Variants in NEXMIF observed in about 807,000 individuals in gnomAD.
NEXMIF encodes the protein neurite extension and migration factor, also known as XLMR protein related to neurite extension.
In NEXMIF, 8 loss-of-function variants were observed where a neutral mutation model predicts 62.1. The ratio of observed to expected loss-of-function variants is 0.13; its 90% CI spans 0.08 to 0.23. NEXMIF has a LOEUF of 0.23. Among genes scored for constraint, NEXMIF ranks in the 10% least tolerant of loss-of-function variants. NEXMIF has a pLI of 1.00. For synonymous variants in NEXMIF, 404 were observed against 416.6 expected (o/e 0.97, Z 0.37); for missense variants, 976 against 1,113.3 (o/e 0.88, Z 1.75).
intron 1 of NEXMIF, among the ~76,000 whole-genome samples, chrX:74,888,233 T>G (rs1424845476): frequency 9.2e-6 from 1 of 108,178 alleles, no homozygotes; most frequent in African/African-American, 3.4e-5. Flanking sequence ...GGCACATGTA[T>G]ACATATGTAA....
intron 1 of NEXMIF, among the ~76,000 whole-genome samples, chrX:74,913,187 G>A (rs2147374502): frequency 8.9e-6 from 1 of 112,065 alleles, no homozygotes; most frequent in South Asian, 3.7e-4. Flanking sequence ...TCACAAAAAT[G>A]TTTCAATAAG....
At chrX:74,908,428 G>A (rs750276403) in intron 1 of NEXMIF, among the ~76,000 whole-genome samples, 8 of 111,979 alleles carry the variant, frequency 7.1e-5, no homozygotes, top group African/African-American at 2.6e-4. Context: ...GGAAGATATT[G>A]AAGTCATATC....
At chrX:74,923,913 C>G (rs1329403667) in intron 1 of NEXMIF, among the ~76,000 whole-genome samples, 3 of 112,527 alleles carry the variant, frequency 2.7e-5, no homozygotes, top group African/African-American at 9.7e-5. Flanking sequence ...ATATGAGACC[C>G]ACTTATTCCA....
intron 1 of NEXMIF, among the ~76,000 whole-genome samples, chrX:74,861,400 G>A (rs752898840): frequency 1.8e-5 from 2 of 111,767 alleles, no homozygotes; most frequent in South Asian, 3.7e-4. Flanking sequence ...GAGACAGAAC[G>A]GAAATAAGTT....
intron 1 of NEXMIF, among the ~76,000 whole-genome samples, chrX:74,755,804 C>G (rs762078922): frequency 1.8e-5 from 2 of 112,113 alleles, no homozygotes; most frequent in African/African-American, 3.2e-5. Context: ...CTTTTCACAG[C>G]CAGAAGACCT....
intron 1 of NEXMIF, among the ~76,000 whole-genome samples, chrX:74,787,655 G>A (rs189596222): frequency 2.1e-4 from 23 of 111,794 alleles, no homozygotes; most frequent in African/African-American, 7.1e-4. Flanking sequence ...GAGCCCAGAG[G>A]GTTGAGACTT....
At chrX:74,893,854 C>T (rs1247917445) in intron 1 of NEXMIF, among the ~76,000 whole-genome samples, 1 of 111,655 alleles carries the variant, frequency 9.0e-6, no homozygotes, top group African/African-American at 3.2e-5. Context: ...AACTGAGATA[C>T]CCCATCTAGG....
At chrX:74,870,615 T>C (rs1191105835) in intron 1 of NEXMIF, among the ~76,000 whole-genome samples, 1 of 111,864 alleles carries the variant, frequency 8.9e-6, no homozygotes, top group Non-Finnish European at 1.9e-5. Flanking sequence ...CTCAATCGAC[T>C]TTACAGGAAG....
intron 1 of NEXMIF, among the ~76,000 whole-genome samples, chrX:74,804,183 T>C (rs371187658): frequency 8.9e-6 from 1 of 112,537 alleles, no homozygotes; most frequent in East Asian, 2.8e-4. Context: ...ATAGAGTTTT[T>C]ATTGGTTTTC....
At chrX:74,878,258 T>A (rs922786908) in intron 1 of NEXMIF, among the ~76,000 whole-genome samples, 6 of 111,860 alleles carry the variant, frequency 5.4e-5, no homozygotes, top group African/African-American at 2.0e-4. Flanking sequence ...GTGTGAGGTA[T>A]GAGTCTGCCC....
intron 1 of NEXMIF, among the ~76,000 whole-genome samples, chrX:74,796,222 CAT>C (rs1339445059): frequency 3.7e-5 from 2 of 54,074 alleles, no homozygotes; most frequent in South Asian, 7.3e-4. Flanking sequence ...TATATATATA[CAT>C]ATATAATATA....
intron 1 of NEXMIF, among the ~76,000 whole-genome samples, chrX:74,844,831 G>A (rs2080486584): frequency 8.9e-6 from 1 of 112,374 alleles, no homozygotes; most frequent in African/African-American, 3.2e-5. Flanking sequence ...TGTACAAGGT[G>A]AGAAGCAATA....
chrX:74,817,463 G>A (rs184335489), intron 1 of NEXMIF, among the ~76,000 whole-genome samples: 2 of 111,559 alleles, frequency 1.8e-5, no homozygotes, highest in South Asian at 3.7e-4. Flanking sequence ...TTTAAATACA[G>A]TCCATATACT....
intron 1 of NEXMIF, among the ~76,000 whole-genome samples, chrX:74,800,596 T>A (rs2080326783): frequency 9.0e-6 from 1 of 110,868 alleles, no homozygotes; most frequent in South Asian, 3.9e-4. Flanking sequence ...AGTTCTTAAG[T>A]AACAACTAAC....
At chrX:74,856,866 A>G (rs2080536900) in intron 1 of NEXMIF, among the ~76,000 whole-genome samples, 1 of 110,485 alleles carries the variant, frequency 9.1e-6, no homozygotes, top group African/African-American at 3.3e-5. Context: ...GAGAAGGAGA[A>G]TGAAGCAATT....
intron 1 of NEXMIF, among the ~76,000 whole-genome samples, chrX:74,790,251 G>C (rs1376878471): frequency 9.4e-6 from 1 of 106,863 alleles, no homozygotes; most frequent in African/African-American, 3.5e-5. Flanking sequence ...CCCATTGCTT[G>C]TTTTTCTCAG....
At chrX:74,877,259 T>G (rs1253419282) in intron 1 of NEXMIF, among the ~76,000 whole-genome samples, 1 of 111,167 alleles carries the variant, frequency 9.0e-6, no homozygotes, top group Non-Finnish European at 1.9e-5. Flanking sequence ...GAAGCTTAGT[T>G]TGGCTGGATA....
rs181176424 is a variant in NEXMIF, at chrX:74,858,509, T to C, written c.-48+66374A>G. Among the ~76,000 whole-genome samples the C allele has an allele frequency of 3.4e-3, 385 of 111,949 alleles. 2 individuals are homozygous for C. Among genetic ancestry groups the C allele is most frequent in the African/African-American group, 0.012 (367 of 30,843 alleles). On this transcript the variant is annotated intron_variant, in intron 1 of 3. Transcript: ENST00000055682. ...TGCAGATACAGCATGGATCACAACA[T>C]GCAAGTCCTTTTAAATACCTGGAAA... is the stretch of plus-strand genomic sequence containing the variant.
rs184449613 is a variant in NEXMIF, at chrX:74,887,133, T to A, written c.-48+37750A>T. ...TGAAACTGGATCCCTTCCTTACACC[T>A]TATACAAAAATTAATTCAAGATGGA... On this transcript the variant is annotated intron_variant, in intron 1 of 3. Coordinates refer to ENST00000055682, the MANE Select transcript of NEXMIF (RefSeq NM_001008537.3). Among the ~76,000 whole-genome samples the A allele has an allele frequency of 7.9e-3, 884 of 112,329 alleles. 5 individuals are homozygous for A. The highest frequency in any genetic ancestry group is 0.011 in the Admixed American group (117 of 10,613).
Sources: allele counts gnomAD v4.1 joint callset (sites outside exome capture counted in the v4.1 genomes callset), GRCh38; gene constraint gnomAD v4.1.1; transcripts MANE v1.5; gene names NCBI Gene and HGNC (gene_info 2026-07-23, HGNC 2026-07-21).